Variants in GULP1 observed in about 807,000 individuals in gnomAD.
GULP1 encodes the protein GULP PTB domain containing engulfment adaptor 1, also known as PTB domain-containing engulfment adapter protein 1.
Under a neutral mutation model 40.9 loss-of-function variants are expected in GULP1, and 19 were observed. The observed-to-expected ratio is 0.46, with a 90% CI of 0.32 to 0.68. The LOEUF (loss-of-function observed/expected upper bound fraction) is 0.68. GULP1 is among the 30% of genes least tolerant of loss of function. The pLI is 0.03. For missense variants in GULP1, 312 were observed against 362.2 expected (o/e 0.86, Z 1.12); for synonymous variants, 119 against 117.6 (o/e 1.01, Z -0.08).
chr2:188,483,049 T>C (rs1292581481), intron 3 of GULP1, among the ~76,000 whole-genome samples: 1 of 151,940 alleles, frequency 6.6e-6, no homozygotes, highest in East Asian at 1.9e-4. Context: ...TTATATTTTA[T>C]TGTTCTAGGA....
chr2:188,415,335 C>T (rs1040764163), intron 2 of GULP1, among the ~76,000 whole-genome samples: 1 of 152,016 alleles, frequency 6.6e-6, no homozygotes, highest in Non-Finnish European at 1.5e-5. Flanking sequence ...GAAATCTATT[C>T]CATCTCAGAA....
intron 1 of GULP1, among the ~76,000 whole-genome samples, chr2:188,378,317 A>G (rs973135697): frequency 2.0e-5 from 3 of 151,892 alleles, no homozygotes; most frequent in Admixed American, 6.6e-5. Flanking sequence ...AATGTGGAAC[A>G]TTACAATGGG....
intron 7 of GULP1, among the ~76,000 whole-genome samples, chr2:188,558,248 G>A (rs909987012): frequency 3.9e-5 from 6 of 152,160 alleles, no homozygotes; most frequent in African/African-American, 1.4e-4. Flanking sequence ...GAACCCAGTG[G>A]GAGATCATTT....
intron 1 of GULP1, among the ~76,000 whole-genome samples, chr2:188,324,879 A>G (rs1559112219): frequency 1.3e-5 from 2 of 152,060 alleles, no homozygotes. Flanking sequence ...ATTATCTACA[A>G]AGGAAGAAGT....
rs545380346 is a variant in GULP1, at chr2:188,424,610, A to T, written c.-45+40721A>T. On this transcript the variant is annotated intron_variant, in intron 2 of 11. Coordinates refer to ENST00000409830, the MANE Select transcript of GULP1 (RefSeq NM_016315.4). The stretch of plus-strand genomic sequence containing the variant: ...TAATTCTTTAATGTCATCAATAGCT[A>T]CCCAGGTTTCAAATTCCCAATTGTC... Among the ~76,000 whole-genome samples the T allele has an allele frequency of 3.9e-5, 6 of 152,130 alleles. No homozygotes were observed. The East Asian group carries it at 1.2e-3, about 29-fold the overall frequency.
chr2:188,563,425 A>G (rs889912916), intron 7 of GULP1, among the ~76,000 whole-genome samples: 10 of 151,014 alleles, frequency 6.6e-5, no homozygotes, highest in African/African-American at 2.2e-4. Flanking sequence ...ATATCTTGAA[A>G]CTCAATTTAC....
At chr2:188,589,786 T>G in intron 11 of GULP1, 5 of 1,173,492 alleles carry the variant, frequency 4.3e-6, no homozygotes, top group Non-Finnish European at 5.8e-6. Context: ...TTTAAACAAC[T>G]TACAAATTTT....
intron 4 of GULP1, among the ~76,000 whole-genome samples, chr2:188,512,154 C>G (rs888947453): frequency 1.3e-5 from 2 of 152,050 alleles, no homozygotes; most frequent in Non-Finnish European, 2.9e-5. Flanking sequence ...AGCTAACAGG[C>G]TTAAATACTT....
At chr2:188,536,349 G>A (rs552137962) in intron 6 of GULP1, among the ~76,000 whole-genome samples, 1 of 152,116 alleles carries the variant, frequency 6.6e-6, no homozygotes, top group East Asian at 1.9e-4. Context: ...AATCCATCTT[G>A]AGTTAATTTC....
At chr2:188,299,431 T>C (rs1376186194) in intron 1 of GULP1, among the ~76,000 whole-genome samples, 2 of 152,220 alleles carry the variant, frequency 1.3e-5, no homozygotes, top group Non-Finnish European at 2.9e-5. Flanking sequence ...TAATGAATCT[T>C]TCTTTGGGAC....
chr2:188,321,905 C>G (rs889324939), intron 1 of GULP1, among the ~76,000 whole-genome samples: 1 of 152,044 alleles, frequency 6.6e-6, no homozygotes, highest in African/African-American at 2.4e-5. Flanking sequence ...ATCCCAGCTA[C>G]TTGGGAGGCT....
At chr2:188,435,614 G>A (rs147698765) in intron 2 of GULP1, among the ~76,000 whole-genome samples, 129 of 152,106 alleles carry the variant, frequency 8.5e-4, no homozygotes, top group African/African-American at 3.0e-3. Context: ...TACCATACCT[G>A]TGTCCTTGGC....
At chr2:188,580,855 C>T (rs2153455290) in intron 9 of GULP1, among the ~76,000 whole-genome samples, 1 of 152,176 alleles carries the variant, frequency 6.6e-6, no homozygotes, top group East Asian at 1.9e-4. Context: ...TTTTGGCTGC[C>T]TGAATTTTTG....
At chr2:188,593,206 C>G (rs1365898297) in intron 11 of GULP1, 1 of 151,672 alleles carries the variant, frequency 6.6e-6, no homozygotes, top group East Asian at 1.9e-4. Flanking sequence ...GTTCAATTAT[C>G]TTATGCAATA....
rs1489630452 is a variant in GULP1, at chr2:188,384,347, C to G, written c.-45+458C>G. 3.3e-5 allele frequency: 5 copies of G among 152,124 alleles called. No individual in the cohort carries two copies. The East Asian group carries it at 9.6e-4, about 29-fold the overall frequency. The allele number at this position is 152,124 out of a possible 1,614,324, so 9.4% of individuals were successfully genotyped here. ...GCAGGGAAACGCCTGTTTTTAAAAC[C>G]ATCAGATTTTGTGAGACCCACTCAC... On this transcript the variant is annotated intron_variant, in intron 2 of 11. Coordinates refer to ENST00000409830, the MANE Select transcript of GULP1 (RefSeq NM_016315.4).
chr2:188,358,417 T>G (rs1404865891), intron 1 of GULP1, among the ~76,000 whole-genome samples: 1 of 152,160 alleles, frequency 6.6e-6, no homozygotes, highest in Non-Finnish European at 1.5e-5. Flanking sequence ...GTTCTGTTGC[T>G]TTTTAGCACT....
chr2:188,406,097 T>G (rs1176498283), intron 2 of GULP1, among the ~76,000 whole-genome samples: 1 of 152,202 alleles, frequency 6.6e-6, no homozygotes, highest in East Asian at 1.9e-4. Flanking sequence ...CTTATGCAAA[T>G]CTAGAAGATA....
rs540396868 is a variant in GULP1 at position 188,503,233 on chromosome 2, A to G, written c.91-19523A>G. ...GGCATTTTTTTTTAGCTCATCCACT[A>G]TCATTTGTGTTAGTGTATTAGTCCA... On this transcript the variant is annotated intron_variant, in intron 4 of 11. Coordinates refer to ENST00000409830, the MANE Select transcript of GULP1 (RefSeq NM_016315.4). Among the ~76,000 whole-genome samples the G allele has an allele frequency of 4.6e-5, 7 of 151,756 alleles. No individual in the cohort carries two copies. The East Asian group carries it at 1.2e-3, about 25-fold the overall frequency.
chr2:188,454,153 T>C (rs2059063648), intron 2 of GULP1, among the ~76,000 whole-genome samples: 1 of 152,206 alleles, frequency 6.6e-6, no homozygotes, highest in Non-Finnish European at 1.5e-5. Flanking sequence ...TCTTGTCCTA[T>C]GTCCAAGAAG....
Sources: gnomAD v4.1 joint callset for allele counts (sites outside exome capture counted in the v4.1 genomes callset) on GRCh38, gnomAD v4.1.1 for gene constraint, MANE v1.5 for transcripts, NCBI Gene and HGNC (gene_info 2026-07-23, HGNC 2026-07-21) for gene names.